The following FBXL7 variants were observed in gnomAD, a reference collection of about 807,000 sequenced individuals.
FBXL7 encodes F-box and leucine rich repeat protein 7, also known as F-box/LRR-repeat protein 7.
In FBXL7, 12 loss-of-function variants were observed where a neutral mutation model predicts 38.3. That is an observed-to-expected ratio of 0.31 (90% CI 0.20 to 0.51). The LOEUF (loss-of-function observed/expected upper bound fraction) is 0.51, where lower values mean the gene tolerates loss of function less well. FBXL7 is among the 20% of genes least tolerant of loss of function. The pLI, the probability that FBXL7 is intolerant of heterozygous loss-of-function variation, is 0.98. For synonymous variants in FBXL7, 297 were observed against 300.9 expected, an observed-to-expected ratio of 0.99 and a Z score of 0.13; for missense variants, 567 against 676.4, an observed-to-expected ratio of 0.84 and a Z score of 1.79.
intron 2 of FBXL7, among the ~76,000 whole-genome samples, chr5:15,834,778 A>C (rs776758612): frequency 1.3e-5 from 2 of 152,208 alleles, no homozygotes; most frequent in South Asian, 4.1e-4. Context: ...TTCTTTCAGC[A>C]TGCCTGTTTT....
chr5:15,739,100 C>G (rs1735829590), intron 2 of FBXL7, among the ~76,000 whole-genome samples: 1 of 152,214 alleles, frequency 6.6e-6, no homozygotes, highest in Admixed American at 6.5e-5. Flanking sequence ...AGATGCATCC[C>G]TATACCAGCT....
At chr5:15,745,452 AGAG>A (rs962597179) in intron 2 of FBXL7, among the ~76,000 whole-genome samples, 2 of 152,178 alleles carry the variant, frequency 1.3e-5, no homozygotes, top group African/African-American at 4.8e-5. Context: ...TATTTTAGGG[AGAG>A]GAGAGGCAAT....
intron 2 of FBXL7, among the ~76,000 whole-genome samples, chr5:15,690,967 C>CT (rs1743164160): frequency 6.6e-6 from 1 of 152,184 alleles, no homozygotes; most frequent in African/African-American, 2.4e-5. Flanking sequence ...TGTTGGCACT[C>CT]TAAGTTAAGG....
intron 2 of FBXL7, among the ~76,000 whole-genome samples, chr5:15,790,016 A>G (rs1737233576): frequency 1.3e-5 from 2 of 152,134 alleles, no homozygotes; most frequent in South Asian, 4.1e-4. Context: ...GCTTGTTCCT[A>G]TTTAGTTTAC....
intron 2 of FBXL7, among the ~76,000 whole-genome samples, chr5:15,733,371 G>A (rs190738925): frequency 0.011 from 915 of 84,356 alleles, 4 homozygotes; most frequent in African/African-American, 0.033. Context: ...GATTACAGGC[G>A]TGAGCCACCG....
chr5:15,778,345 A>G (rs1267930492), intron 2 of FBXL7, among the ~76,000 whole-genome samples: 3 of 152,094 alleles, frequency 2.0e-5, no homozygotes, highest in Admixed American at 1.3e-4. Context: ...TTCTATCTCA[A>G]ATTTCCTGCT....
chr5:15,841,774 C>G (rs1738752161), intron 2 of FBXL7, among the ~76,000 whole-genome samples: 1 of 152,342 alleles, frequency 6.6e-6, no homozygotes, highest in South Asian at 2.1e-4. Flanking sequence ...AAGGCTGGGG[C>G]TGTGGCTTCA....
chr5:15,676,193 C>T (rs951796518), intron 2 of FBXL7, among the ~76,000 whole-genome samples: 7 of 152,306 alleles, frequency 4.6e-5, no homozygotes, highest in South Asian at 2.1e-4. Context: ...GGGTGGCTCA[C>T]GCCTGTAATT....
At chr5:15,781,782 T>C (rs1017934634) in intron 2 of FBXL7, among the ~76,000 whole-genome samples, 1 of 152,114 alleles carries the variant, frequency 6.6e-6, no homozygotes, top group Non-Finnish European at 1.5e-5. Flanking sequence ...AGTGTAAAAC[T>C]GGGGCAGATG....
At chr5:15,873,110 A>G (rs1411164289) in intron 2 of FBXL7, among the ~76,000 whole-genome samples, 1 of 152,180 alleles carries the variant, frequency 6.6e-6, no homozygotes, top group Non-Finnish European at 1.5e-5. Flanking sequence ...TCAAATTAGA[A>G]CTCAGGATTA....
chr5:15,920,253 T>C (rs1741703716), intron 2 of FBXL7, among the ~76,000 whole-genome samples: 1 of 146,132 alleles, frequency 6.8e-6, no homozygotes, highest in African/African-American at 2.7e-5. Context: ...CGAGACTCCA[T>C]CTCAAAAAAA....
intron 2 of FBXL7, among the ~76,000 whole-genome samples, chr5:15,795,266 G>T (rs1399286469): frequency 6.6e-6 from 1 of 152,202 alleles, no homozygotes; most frequent in African/African-American, 2.4e-5. Context: ...GGCTGGGAGA[G>T]GAAGTAATAG....
chr5:15,784,598 C>T (rs927990509), intron 2 of FBXL7, among the ~76,000 whole-genome samples: 8 of 152,176 alleles, frequency 5.3e-5, no homozygotes, highest in African/African-American at 1.9e-4. Context: ...TGGCTTGATG[C>T]TGTCACTTCA....
chr5:15,666,218 T>C (rs1742271644), intron 2 of FBXL7, among the ~76,000 whole-genome samples: 1 of 152,186 alleles, frequency 6.6e-6, no homozygotes, highest in African/African-American at 2.4e-5. Context: ...TTCTGAGTTG[T>C]GTTTTTTGGA....
At chr5:15,503,472 A>G (rs1247854355) in intron 1 of FBXL7, among the ~76,000 whole-genome samples, 1 of 152,242 alleles carries the variant, frequency 6.6e-6, no homozygotes, top group Non-Finnish European at 1.5e-5. Context: ...GTCTTGGCCA[A>G]TCCCAGCAGC....
chr5:15,550,219 T>C (rs1738022708), intron 1 of FBXL7, among the ~76,000 whole-genome samples: 1 of 152,222 alleles, frequency 6.6e-6, no homozygotes, highest in South Asian at 2.1e-4. Context: ...CAACTTTAAG[T>C]ATTTTTATTT....
Position 15,934,064 on chromosome 5 carries a change from G to A in FBXL7, c.740-2386G>A, listed in dbSNP as rs532608426. Among the ~76,000 whole-genome samples the A allele has an allele frequency of 4.6e-5, 7 of 152,210 alleles. No homozygotes were observed. The South Asian group carries it at 1.5e-3, about 32-fold the overall frequency. On this transcript the variant is annotated intron_variant, in intron 3 of 3. Transcript: ENST00000504595. Reference sequence around the variant, plus strand: ...CTGTCACCTAGGCTGGAGTGCAGTGGTGCGCTCCAGATTTTCTGCAACCTC... The same window carrying A: ...CTGTCACCTAGGCTGGAGTGCAGTGATGCGCTCCAGATTTTCTGCAACCTC...
At chr5:15,565,513 CTATA>C (rs1368218629) in intron 1 of FBXL7, among the ~76,000 whole-genome samples, 1 of 150,116 alleles carries the variant, frequency 6.7e-6, no homozygotes, top group Non-Finnish European at 1.5e-5. Flanking sequence ...ATATAATCCT[CTATA>C]TATTTATTCT....
intron 2 of FBXL7, among the ~76,000 whole-genome samples, chr5:15,888,665 A>G (rs1740781306): frequency 6.6e-6 from 1 of 152,176 alleles, no homozygotes; most frequent in Admixed American, 6.5e-5. Flanking sequence ...TCTAACAAGG[A>G]AATGAGGTCT....
Sources: allele counts gnomAD v4.1 joint callset (sites outside exome capture counted in the v4.1 genomes callset), GRCh38; gene constraint gnomAD v4.1.1; transcripts MANE v1.5; gene names NCBI Gene and HGNC (gene_info 2026-07-23, HGNC 2026-07-21).